The following MAGI2 variants were observed in gnomAD, a reference collection of about 807,000 sequenced individuals.
The protein encoded by MAGI2 is membrane-associated guanylate kinase, WW and PDZ domain-containing protein 2.
MAGI2 carries 35 observed loss-of-function variants against 133.3 expected under a neutral mutation model. The ratio of observed to expected loss-of-function variants is 0.26; its 90% CI spans 0.20 to 0.35. The LOEUF is 0.35. MAGI2 is among the 10% of genes least tolerant of loss of function. MAGI2 has a pLI of 1.00. For missense variants in MAGI2, 1,636 were observed against 1,863.4 expected, an observed-to-expected ratio of 0.88 and a Z score of 2.25; for synonymous variants, 729 against 710.6, an observed-to-expected ratio of 1.03 and a Z score of -0.41.
intron 4 of MAGI2, among the ~76,000 whole-genome samples, chr7:78,515,690 C>T (rs1371164770): frequency 6.6e-6 from 1 of 152,140 alleles, no homozygotes; most frequent in African/African-American, 2.4e-5. Flanking sequence ...CACCTGAGGT[C>T]AGGATTTCAA....
chr7:78,967,785 A>G (rs1803456825), intron 2 of MAGI2, among the ~76,000 whole-genome samples: 1 of 151,864 alleles, frequency 6.6e-6, no homozygotes, highest in Non-Finnish European at 1.5e-5. Flanking sequence ...TGGGCTCTTT[A>G]TGTTGCACTG....
chr7:78,207,234 C>A, intron 10 of MAGI2, among the ~76,000 whole-genome samples: 1 of 151,958 alleles, frequency 6.6e-6, no homozygotes, highest in South Asian at 2.1e-4. Context: ...TTAAATTATC[C>A]TTTTTTATGA....
intron 6 of MAGI2, among the ~76,000 whole-genome samples, chr7:78,474,379 C>A (rs1033740877): frequency 6.6e-6 from 1 of 151,872 alleles, no homozygotes; most frequent in African/African-American, 2.4e-5. Flanking sequence ...CCAAGAAAAC[C>A]CACAAGCTGA....
In MAGI2 at chr7:79,171,760, ATATATATATATTTTT is replaced by A. The variant is rs1825601357; in HGVS notation, c.302-164569_302-164555del. 4.6e-4 allele frequency among the ~76,000 whole-genome samples: 15 copies of A among 32,282 alleles called. 1 individual carries two copies. The South Asian group carries it at 5.6e-3, about 12-fold the overall frequency. 21.2% of individuals were successfully genotyped at this position (32,282 alleles called of 152,430 possible). ...TAGCCAAAAATATATATATATATAT[ATATATATATATTTTT>A]TTTTTTTTTTTCTTTTAAAGGGTCT... On this transcript the variant is annotated intron_variant, in intron 1 of 21. Transcript: ENST00000354212.
At chr7:78,087,705 T>C (rs1273827098) in intron 20 of MAGI2, among the ~76,000 whole-genome samples, 2 of 152,210 alleles carry the variant, frequency 1.3e-5, no homozygotes, top group African/African-American at 2.4e-5. Context: ...ACATGAATGG[T>C]ATTTTGTATT....
chr7:78,034,282 C>T (rs780718340), intron 21 of MAGI2, among the ~76,000 whole-genome samples: 16 of 151,980 alleles, frequency 1.1e-4, no homozygotes, highest in East Asian at 7.7e-4. Context: ...GGAAAAAAGA[C>T]GAAAGGTGCT....
intron 9 of MAGI2, among the ~76,000 whole-genome samples, chr7:78,292,521 T>G (rs760152811): frequency 6.6e-6 from 1 of 152,228 alleles, no homozygotes; most frequent in African/African-American, 2.4e-5. Context: ...AGGTAACTTA[T>G]AGATTCAATG....
intron 2 of MAGI2, among the ~76,000 whole-genome samples, chr7:78,969,979 A>G (rs190967831): frequency 2.8e-5 from 4 of 145,156 alleles, no homozygotes; most frequent in Non-Finnish European, 4.7e-5. Context: ...CCAAGGTTGC[A>G]TAGCCTGGAA....
At chr7:79,075,759 T>C (rs1815408866) in intron 1 of MAGI2, among the ~76,000 whole-genome samples, 1 of 152,076 alleles carries the variant, frequency 6.6e-6, no homozygotes, top group Non-Finnish European at 1.5e-5. Flanking sequence ...AGACTCTCTT[T>C]CAATAATAAT....
chr7:78,428,523 C>T (rs10485886), intron 6 of MAGI2, among the ~76,000 whole-genome samples: 44,298 of 152,006 alleles, frequency 0.29, 6,846 homozygotes, highest in African/African-American at 0.38. Flanking sequence ...CCTTCACAAA[C>T]TGGCCTTTTC....
Position 78,185,067 on chromosome 7 carries a change from T to C in MAGI2, c.2311+562A>G, listed in dbSNP as rs139407832. Among the ~76,000 whole-genome samples, 812 of 152,324 alleles carry C rather than the reference T, an allele frequency of 5.3e-3. 11 individuals are homozygous for C. The highest frequency in any genetic ancestry group is 0.019 in the African/African-American group (778 of 41,574). Reference sequence around the variant, plus strand: ...TAAAATGTAAGCCACATAAGTAATTTAACATTTTCTAGTAGCCACATTTTA... The same window carrying C: ...TAAAATGTAAGCCACATAAGTAATTCAACATTTTCTAGTAGCCACATTTTA... On this transcript the variant is annotated intron_variant, in intron 13 of 21. Coordinates refer to ENST00000354212, the MANE Select transcript of MAGI2 (RefSeq NM_012301.4).
intron 9 of MAGI2, among the ~76,000 whole-genome samples, chr7:78,332,514 T>C (rs2691536): frequency 0.83 from 125,852 of 152,094 alleles, 52,327 homozygotes; most frequent in African/African-American, 0.88. Flanking sequence ...CTGGCTAAAA[T>C]GGTGAAATCC....
chr7:78,027,037 A>G (rs1808993013), intron 21 of MAGI2, among the ~76,000 whole-genome samples: 1 of 152,134 alleles, frequency 6.6e-6, no homozygotes, highest in South Asian at 2.1e-4. Context: ...AGGTTAAGGA[A>G]CTTGTTCAAG....
At chr7:78,871,499 A>G (rs1229971683) in intron 2 of MAGI2, among the ~76,000 whole-genome samples, 1 of 152,132 alleles carries the variant, frequency 6.6e-6, no homozygotes, top group Non-Finnish European at 1.5e-5. Flanking sequence ...AAATAAAAGT[A>G]TTTACATAGT....
At chr7:79,248,524 T>C (rs946430692) in intron 1 of MAGI2, among the ~76,000 whole-genome samples, 2 of 152,178 alleles carry the variant, frequency 1.3e-5, no homozygotes, top group Non-Finnish European at 2.9e-5. Flanking sequence ...TGGACTTATA[T>C]AGATATTTAG....
intron 2 of MAGI2, among the ~76,000 whole-genome samples, chr7:78,986,445 A>T (rs1409764417): frequency 6.6e-6 from 1 of 151,804 alleles, no homozygotes; most frequent in Non-Finnish European, 1.5e-5. Context: ...TCTCAATAAA[A>T]CCTATTATCC....
At chr7:78,434,948 G>A (rs1800140352) in intron 6 of MAGI2, among the ~76,000 whole-genome samples, 1 of 152,074 alleles carries the variant, frequency 6.6e-6, no homozygotes, top group South Asian at 2.1e-4. Context: ...CTTAGGGCCC[G>A]CTGCCTCCTA....
At chr7:79,397,295 AT>A (rs2129158178) in intron 1 of MAGI2, among the ~76,000 whole-genome samples, 1 of 151,726 alleles carries the variant, frequency 6.6e-6, no homozygotes, top group Admixed American at 6.6e-5. Context: ...ATTTTTTCAC[AT>A]TTAATTATAA....
intron 1 of MAGI2, among the ~76,000 whole-genome samples, chr7:79,083,209 TA>T (rs1816199950): frequency 6.6e-6 from 1 of 151,548 alleles, no homozygotes; most frequent in Non-Finnish European, 1.5e-5. Context: ...GGCTCTCCAG[TA>T]TAATGTAAAA....
Sources: allele counts gnomAD v4.1 joint callset (sites outside exome capture counted in the v4.1 genomes callset), GRCh38; gene constraint gnomAD v4.1.1; transcripts MANE v1.5; gene names NCBI Gene and HGNC (gene_info 2026-07-23, HGNC 2026-07-21).